Variants in DISC1 observed in about 807,000 individuals in gnomAD.
DISC1 encodes disrupted in schizophrenia 1 protein.
DISC1 carries 57 observed loss-of-function variants against 84.5 expected under a neutral mutation model. The observed-to-expected ratio is 0.67, with a 90% CI of 0.55 to 0.84. DISC1 has a LOEUF of 0.84. Among genes scored for constraint, DISC1 ranks in the 40% least tolerant of loss-of-function variants. The pLI, the probability that DISC1 is intolerant of heterozygous loss-of-function variation, is 0.00. For missense variants in DISC1, 1,000 were observed against 1,057.8 expected (o/e 0.95, Z 0.76); for synonymous variants, 411 against 415.2 (o/e 0.99, Z 0.12).
chr1:231,778,282 G>A (rs762084164), intron 6 of DISC1, among the ~76,000 whole-genome samples: 1 of 152,218 alleles, frequency 6.6e-6, no homozygotes, highest in Admixed American at 6.5e-5. Context: ...TAGAGGAACT[G>A]GTATTACTTG....
At chr1:231,938,405 G>C (rs1327811548) in intron 9 of DISC1, among the ~76,000 whole-genome samples, 1 of 152,136 alleles carries the variant, frequency 6.6e-6, no homozygotes, top group Non-Finnish European at 1.5e-5. Flanking sequence ...GGAGGTGAAG[G>C]GGGGCCCATG....
At chr1:231,638,909 T>C (rs893560901) in intron 1 of DISC1, among the ~76,000 whole-genome samples, 1 of 152,236 alleles carries the variant, frequency 6.6e-6, no homozygotes, top group Non-Finnish European at 1.5e-5. Context: ...GTTTTGGGTA[T>C]GTCTTTGTAT....
At chr1:231,642,768 T>G (rs1434144124) in intron 1 of DISC1, among the ~76,000 whole-genome samples, 2 of 152,254 alleles carry the variant, frequency 1.3e-5, no homozygotes, top group Admixed American at 6.5e-5. Context: ...CTCTTGCTGG[T>G]ATAATTTCAT....
intron 4 of DISC1, among the ~76,000 whole-genome samples, chr1:231,752,384 A>AAG (rs200440401): frequency 6.6e-6 from 1 of 151,884 alleles, no homozygotes; most frequent in African/African-American, 2.4e-5. Context: ...GAGTAGGAAC[A>AAG]AGAGAGAGAG....
chr1:231,894,137 A>G (rs1472820049), intron 9 of DISC1, among the ~76,000 whole-genome samples: 2 of 152,238 alleles, frequency 1.3e-5, no homozygotes, highest in Non-Finnish European at 1.5e-5. Flanking sequence ...ATCTTCTAAT[A>G]TAAACTTTAA....
At chr1:231,747,888 T>C (rs1260970183) in intron 3 of DISC1, among the ~76,000 whole-genome samples, 4 of 152,204 alleles carry the variant, frequency 2.6e-5, no homozygotes, top group African/African-American at 9.6e-5. Context: ...TTTTCATTTG[T>C]TTGTATCCTC....
At chr1:231,945,022 TAGAA>T (rs781314535) in intron 9 of DISC1, 2 of 152,132 alleles carry the variant, frequency 1.3e-5, no homozygotes, top group African/African-American at 2.4e-5. Flanking sequence ...CTGTCAATAT[TAGAA>T]AGATCAACGA....
Position 232,039,438 on chromosome 1 carries a change from G to A in DISC1, c.*2607G>A, listed in dbSNP as rs1026722710. 1 of 152,116 alleles carries A rather than the reference G, an allele frequency of 6.6e-6. No individual in the cohort carries two copies. The highest frequency in any genetic ancestry group is 6.5e-5 in the Admixed American group (1 of 15,272). 9.4% of individuals were successfully genotyped at this position (152,116 alleles called of 1,614,324 possible). Reference sequence around the variant, plus strand: ...TTGAACCCGAAATAAGGGTTCTTTGGTACCTCTAGTAGATAGTGTGTTCAT... The same window carrying A: ...TTGAACCCGAAATAAGGGTTCTTTGATACCTCTAGTAGATAGTGTGTTCAT... On this transcript the variant is annotated 3_prime_UTR_variant, in exon 13 of 13. Transcript: ENST00000439617.
At chr1:231,807,297 C>T (rs201043642) in intron 8 of DISC1, among the ~76,000 whole-genome samples, 1 of 152,196 alleles carries the variant, frequency 6.6e-6, no homozygotes, top group Non-Finnish European at 1.5e-5. Context: ...CCCTGAGGCC[C>T]GGCGAGTAGT....
At chr1:231,909,644 G>A (rs1009784165) in intron 9 of DISC1, among the ~76,000 whole-genome samples, 12 of 151,946 alleles carry the variant, frequency 7.9e-5, no homozygotes, top group Non-Finnish European at 1.6e-4. Context: ...TTTTTTTGTC[G>A]TGTCTCTGCC....
chr1:231,819,572 T>G (rs186642396), intron 9 of DISC1, among the ~76,000 whole-genome samples: 8 of 152,302 alleles, frequency 5.3e-5, no homozygotes, highest in Admixed American at 5.2e-4. Flanking sequence ...TATCTTTTTT[T>G]CTTTTCATTC....
chr1:231,870,213 A>G (rs1474878134), intron 9 of DISC1, among the ~76,000 whole-genome samples: 1 of 152,186 alleles, frequency 6.6e-6, no homozygotes, highest in African/African-American at 2.4e-5. Context: ...CAGGCAGGAC[A>G]CCAAGAGGCA....
At chr1:231,795,489 G>T (rs902074086) in intron 7 of DISC1, among the ~76,000 whole-genome samples, 193 bp downstream of exon 7, 12 of 152,192 alleles carry the variant, frequency 7.9e-5, no homozygotes, top group African/African-American at 2.7e-4. Flanking sequence ...GTCTTGACTT[G>T]TGGACACCCC....
chr1:231,853,283 G>A (rs1022844375), intron 9 of DISC1, among the ~76,000 whole-genome samples: 9 of 152,218 alleles, frequency 5.9e-5, no homozygotes, highest in Non-Finnish European at 1.0e-4. Context: ...GATACGTTAT[G>A]AGAAATGCAT....
At chr1:231,805,077 G>A (rs771392559) in intron 8 of DISC1, among the ~76,000 whole-genome samples, 3 of 152,170 alleles carry the variant, frequency 2.0e-5, no homozygotes, top group Non-Finnish European at 4.4e-5. Flanking sequence ...ATATCCAGTT[G>A]AGTGTGGTGT....
chr1:231,723,803 C>A (rs2070225453), intron 3 of DISC1: 1 of 985,338 alleles, frequency 1.0e-6, no homozygotes, highest in Non-Finnish European at 1.2e-6. Context: ...TCTCTCCCTC[C>A]CTTCTTCCTC....
At chr1:231,680,103 C>G (rs779352628) in intron 1 of DISC1, among the ~76,000 whole-genome samples, 1 of 152,128 alleles carries the variant, frequency 6.6e-6, no homozygotes, top group Non-Finnish European at 1.5e-5. Flanking sequence ...TGGTGCATGC[C>G]TGTAATCCCA....
chr1:232,004,597 T>A (rs2772114), intron 10 of DISC1, among the ~76,000 whole-genome samples: 1 of 151,888 alleles, frequency 6.6e-6, no homozygotes, highest in Non-Finnish European at 1.5e-5. Flanking sequence ...CTTGGGAAAA[T>A]GATAGGGAAC....
At chr1:231,819,750 A>C (rs567816903) in intron 9 of DISC1, among the ~76,000 whole-genome samples, 173 of 149,728 alleles carry the variant, frequency 1.2e-3, no homozygotes, top group African/African-American at 4.1e-3. Context: ...GGTTTCTGCT[A>C]TTGATTTTTT....
Sources: allele counts gnomAD v4.1 joint callset (sites outside exome capture counted in the v4.1 genomes callset), GRCh38; gene constraint gnomAD v4.1.1; transcripts MANE v1.5; gene names NCBI Gene and HGNC (gene_info 2026-07-23, HGNC 2026-07-21).